INPP4B: variants seen among roughly 807,000 people sequenced by gnomAD.
INPP4B encodes inositol polyphosphate 4-phosphatase type II.
INPP4B carries 55 observed loss-of-function variants against 122.5 expected under a neutral mutation model. That is an observed-to-expected ratio of 0.45 (90% CI 0.36 to 0.56). INPP4B has a LOEUF of 0.56. Ranked by LOEUF, INPP4B falls within the 20% of genes least tolerant of loss-of-function variation. INPP4B has a pLI of 0.00. For missense variants in INPP4B, 1,000 were observed against 1,097.7 expected (o/e 0.91, Z 1.26); for synonymous variants, 403 against 388.7 (o/e 1.04, Z -0.43).
intron 2 of INPP4B, among the ~76,000 whole-genome samples, chr4:142,497,361 T>A (rs1387382608): frequency 1.3e-5 from 2 of 152,138 alleles, no homozygotes; most frequent in Non-Finnish European, 2.9e-5. Flanking sequence ...TAAAACCAAT[T>A]TTTAGTCTAA....
intron 2 of INPP4B, among the ~76,000 whole-genome samples, chr4:142,557,901 T>C (rs6537112): frequency 0.98 from 148,863 of 152,260 alleles, 72,865 homozygotes; most frequent in East Asian, 1. Context: ...ACGTTCTGGT[T>C]CTGCCCCTGA....
intron 7 of INPP4B, among the ~76,000 whole-genome samples, chr4:142,342,966 G>A (rs146057785): frequency 1.2e-4 from 18 of 152,116 alleles, no homozygotes; most frequent in African/African-American, 4.1e-4. Context: ...ATTTTTGTAA[G>A]TGAATGCTAT....
At chr4:142,056,011 G>T (rs1578746215) in intron 25 of INPP4B, among the ~76,000 whole-genome samples, 1 of 151,736 alleles carries the variant, frequency 6.6e-6, no homozygotes, top group Non-Finnish European at 1.5e-5. Flanking sequence ...AGATCATCAG[G>T]CATTAGATTT....
At chr4:142,290,872 G>A (rs1011761829) in intron 9 of INPP4B, among the ~76,000 whole-genome samples, 2 of 152,156 alleles carry the variant, frequency 1.3e-5, no homozygotes. Flanking sequence ...AGGGCTCAGT[G>A]TTTTAAGACA....
chr4:142,510,801 G>A (rs180944247), intron 2 of INPP4B, among the ~76,000 whole-genome samples: 8 of 152,264 alleles, frequency 5.3e-5, no homozygotes, highest in African/African-American at 1.7e-4. Flanking sequence ...ATGCATTAGT[G>A]TATGAGAAGT....
chr4:142,336,133 C>G (rs1233666341), intron 7 of INPP4B, among the ~76,000 whole-genome samples: 3 of 152,218 alleles, frequency 2.0e-5, no homozygotes, highest in Non-Finnish European at 4.4e-5. Flanking sequence ...CGGGTTCCCT[C>G]CCCACTGACA....
chr4:142,066,124 C>T (rs1763386793), intron 25 of INPP4B, among the ~76,000 whole-genome samples: 1 of 152,098 alleles, frequency 6.6e-6, no homozygotes, highest in African/African-American at 2.4e-5. Flanking sequence ...CCAAATAATG[C>T]CCCATGATTT....
intron 2 of INPP4B, among the ~76,000 whole-genome samples, chr4:142,571,918 T>G (rs1732915929): frequency 6.6e-6 from 1 of 152,180 alleles, no homozygotes; most frequent in Non-Finnish European, 1.5e-5. Flanking sequence ...ATTTGCAAAT[T>G]AAATAAATCA....
chr4:142,272,916 T>C (rs1416414907), intron 9 of INPP4B, among the ~76,000 whole-genome samples: 3 of 152,074 alleles, frequency 2.0e-5, no homozygotes. Flanking sequence ...GTTAGCTTAA[T>C]TGCTAGAAGC....
intron 7 of INPP4B, among the ~76,000 whole-genome samples, chr4:142,373,300 T>G (rs879835297): frequency 2.6e-5 from 4 of 152,050 alleles, no homozygotes; most frequent in Non-Finnish European, 5.9e-5. Context: ...AACCTAAGAT[T>G]ATAAATCTCA....
chr4:142,617,709 A>G (rs1057203076), intron 2 of INPP4B, among the ~76,000 whole-genome samples: 8 of 152,178 alleles, frequency 5.3e-5, no homozygotes, highest in African/African-American at 1.9e-4. Flanking sequence ...AACAGCACAG[A>G]TGAAAAGGGA....
At chr4:142,244,857 C>T (rs889429609) in intron 11 of INPP4B, among the ~76,000 whole-genome samples, 3 of 152,130 alleles carry the variant, frequency 2.0e-5, no homozygotes, top group African/African-American at 4.8e-5. Context: ...AGTGTAAAAG[C>T]GTTCCTATTT....
intron 2 of INPP4B, among the ~76,000 whole-genome samples, chr4:142,719,569 A>T (rs746340511): frequency 6.6e-6 from 1 of 151,912 alleles, no homozygotes; most frequent in Admixed American, 6.6e-5. Context: ...AGTGATCTGC[A>T]CGCCTCGGCC....
At chr4:142,072,311 G>GAAC (rs142682146) in intron 25 of INPP4B, among the ~76,000 whole-genome samples, 2,344 of 151,200 alleles carry the variant, frequency 0.016, 79 homozygotes, top group African/African-American at 0.054. Context: ...ACAGGGTGGG[G>GAAC]AACATCACAC....
chr4:142,165,688 A>T (rs1822370493), intron 16 of INPP4B, among the ~76,000 whole-genome samples: 7 of 151,874 alleles, frequency 4.6e-5, no homozygotes. Flanking sequence ...ATCCTTCCTC[A>T]TTCAACAGCC....
Position 142,309,796 on chromosome 4 carries a change from T to G in INPP4B, c.424-4259A>C, listed in dbSNP as rs182762736. On this transcript the variant is annotated intron_variant, in intron 8 of 25. Transcript: ENST00000262992. ...CAAAGCAGATAATCATTAAATTGTT[T>G]GCTGCATGATTTCCATCACTCTCAC... 3.3e-5 allele frequency among the ~76,000 whole-genome samples: 5 copies of G among 152,326 alleles called. No individual in the cohort carries two copies. The East Asian group carries it at 5.8e-4, about 18-fold the overall frequency.
intron 1 of INPP4B, among the ~76,000 whole-genome samples, chr4:142,804,198 T>C (rs1778388799): frequency 6.6e-6 from 1 of 151,498 alleles, no homozygotes; most frequent in Non-Finnish European, 1.5e-5. Context: ...TTATAATAAA[T>C]GTATCACTTT....
chr4:142,475,782 C>CA (rs1162280887), intron 2 of INPP4B, among the ~76,000 whole-genome samples: 2 of 151,960 alleles, frequency 1.3e-5, no homozygotes, highest in South Asian at 2.1e-4. Flanking sequence ...TTAACTCAGA[C>CA]AAAAAACAAA....
intron 2 of INPP4B, among the ~76,000 whole-genome samples, chr4:142,603,818 C>T (rs1740612191): frequency 6.6e-6 from 1 of 151,924 alleles, no homozygotes; most frequent in Admixed American, 6.6e-5. Context: ...TCTCCTCAAA[C>T]TATTCCAAAA....
Sources: gnomAD v4.1 joint callset for allele counts (sites outside exome capture counted in the v4.1 genomes callset) on GRCh38, gnomAD v4.1.1 for gene constraint, MANE v1.5 for transcripts, NCBI Gene and HGNC (gene_info 2026-07-23, HGNC 2026-07-21) for gene names.